Variants in WNT5B observed in about 807,000 individuals in gnomAD.
WNT5B encodes the protein protein Wnt-5b.
In WNT5B, 18 loss-of-function variants were observed where a neutral mutation model predicts 36.5. The ratio of observed to expected loss-of-function variants is 0.49; its 90% CI spans 0.34 to 0.73. The LOEUF is 0.73. Among genes scored for constraint, WNT5B ranks in the 30% least tolerant of loss-of-function variants. The probability of loss-of-function intolerance (pLI) is 0.01; values close to 1 mark genes in which losing one functional copy is unlikely to be tolerated. For synonymous variants in WNT5B, 213 were observed against 212.3 expected, an observed-to-expected ratio of 1.00 and a Z score of -0.03; for missense variants, 424 against 508.4, an observed-to-expected ratio of 0.83 and a Z score of 1.60.
At position 1,630,259 on chromosome 12, in the gene WNT5B, G is replaced by A. The variant is rs2094547885; in HGVS notation, c.-58+888G>A. 4 of 984,404 alleles carry A rather than the reference G, an allele frequency of 4.1e-6. No homozygotes were observed. Among genetic ancestry groups the A allele is most frequent in the South Asian group, 4.7e-5 (1 of 21,272 alleles). The allele number at this position is 984,404 out of a possible 1,614,324, so 61.0% of individuals were successfully genotyped here. A position where few individuals can be genotyped will look rare whatever the true frequency, so the allele number is the denominator to read the frequency against. ...GCCCCGGGGAGGCCGCTGGGGGCGC[G>A]GGTCACGCCCAGACGGGGGCCCCGG... is the stretch of plus-strand genomic sequence containing the variant. On this transcript the variant is annotated intron_variant, in intron 1 of 4. Transcript: ENST00000397196. The surrounding 1 kb of genome is among the most constrained non-coding windows in gnomAD (Gnocchi z 5.3).
intron 1 of WNT5B, among the ~76,000 whole-genome samples, chr12:1,620,922 T>C (rs76916363): frequency 7.4e-5 from 1 of 13,584 alleles, no homozygotes; most frequent in Non-Finnish European, 1.6e-4. Context: ...AGGATAGTCT[T>C]GATCTCTTGA....
chr12:1,631,109 G>T, intron 1 of WNT5B, 189 bp from the exon 2 acceptor site: 1 of 411,486 alleles, frequency 2.4e-6, no homozygotes. Flanking sequence ...CACAGTTTGG[G>T]GTAAGAGACA....
chr12:1,637,388 T>C (rs1365785290), intron 3 of WNT5B, among the ~76,000 whole-genome samples: 1 of 150,944 alleles, frequency 6.6e-6, no homozygotes, highest in Admixed American at 6.6e-5. Context: ...GCAATAATAC[T>C]GCAATAATGT....
intron 1 of WNT5B, among the ~76,000 whole-genome samples, chr12:1,623,027 G>T (rs2094535929): frequency 1.3e-5 from 2 of 151,980 alleles, no homozygotes; most frequent in Admixed American, 6.6e-5. Flanking sequence ...ATGGGTTTGG[G>T]TAAGGAGGTA....
In WNT5B at chr12:1,632,678, T is replaced by C. The variant is rs1395462661; in HGVS notation, c.101T>C (p.Val34Ala). ...NSWWSLALNP[V>A]QRPEMFIIGA... The stretch of plus-strand genomic sequence containing the variant: ...CCTAGGTCATTAGCTTTGAACCCGG[T>C]GCAGAGACCCGAGATGTTTATCATC... Residue 34 changes from valine (V) to alanine (A), a missense_variant, in exon 3 of 5, where the codon GTG (valine) becomes GCG (alanine). Physicochemically the swap from Val to Ala is moderately conservative, Grantham distance 64. Coordinates refer to ENST00000397196, the MANE Select transcript of WNT5B (RefSeq NM_032642.3). This position sits in a 1 kb window ranked among gnomAD's most constrained non-coding sequence, Gnocchi z 5.8. The C allele has an allele frequency of 6.2e-7, 1 of 1,607,088 alleles. No homozygotes were observed. Among genetic ancestry groups the C allele is most frequent in the Non-Finnish European group, 8.5e-7 (1 of 1,174,014 alleles).
chr12:1,641,844 T>C (rs2094575945), intron 4 of WNT5B, among the ~76,000 whole-genome samples: 1 of 152,146 alleles, frequency 6.6e-6, no homozygotes, highest in Non-Finnish European at 1.5e-5. Context: ...TGAACTCATA[T>C]ATTGGAGCAC....
upstream of WNT5B, among the ~76,000 whole-genome samples, chr12:1,627,228 C>T (rs571657534): frequency 3.2e-4 from 48 of 152,330 alleles, 2 homozygotes; most frequent in East Asian, 9.3e-3. This position sits in a 1 kb window ranked among gnomAD's most constrained non-coding sequence, Gnocchi z 5.0. Context: ...GCTCAGCACC[C>T]TTGAAGAGGT....
intron 4 of WNT5B, among the ~76,000 whole-genome samples, chr12:1,643,751 A>G (rs1032581285): frequency 5.8e-5 from 6 of 104,084 alleles, no homozygotes; most frequent in Non-Finnish European, 1.1e-4. Flanking sequence ...ATTTCCCCCT[A>G]TCGCCTACAA....
intron 1 of WNT5B, among the ~76,000 whole-genome samples, chr12:1,620,795 C>T (rs2094532766): frequency 6.8e-6 from 1 of 147,594 alleles, no homozygotes; most frequent in Admixed American, 6.7e-5. Context: ...CCTCCACCTC[C>T]CGGGTTCAAG....
Position 1,633,512 on chromosome 12 carries a change from C to T in WNT5B, c.328+607C>T, listed in dbSNP as rs1242323452. 2.0e-5 allele frequency among the ~76,000 whole-genome samples: 3 copies of T among 152,158 alleles called. No individual in the cohort carries two copies. Among genetic ancestry groups the T allele is most frequent in the Non-Finnish European group, 2.9e-5 (2 of 68,030 alleles). On this transcript the variant is annotated intron_variant, in intron 3 of 4. Transcript: ENST00000397196. This position sits in a 1 kb window ranked among gnomAD's most constrained non-coding sequence, Gnocchi z 4.8. ...AGGGCCAAGTCTTCTGGATTCCTGTCCCTTCCCCTCTCCCACTGCTGGCCA... is the reference window on the plus strand; with the variant it reads ...AGGGCCAAGTCTTCTGGATTCCTGTTCCTTCCCCTCTCCCACTGCTGGCCA...
intron 3 of WNT5B, among the ~76,000 whole-genome samples, chr12:1,637,475 C>T (rs1449314996): frequency 2.0e-5 from 3 of 151,340 alleles, no homozygotes; most frequent in South Asian, 2.1e-4. Context: ...CGGTGGCTCA[C>T]GCCTGAAATC....
intron 4 of WNT5B, among the ~76,000 whole-genome samples, chr12:1,641,209 A>T (rs1305169426): frequency 6.6e-6 from 1 of 152,012 alleles, no homozygotes; most frequent in African/African-American, 2.4e-5. Flanking sequence ...ACATGGTGAA[A>T]CCCTGTCTCT....
rs138238149 is a variant in WNT5B, at chr12:1,632,716, G to T, written c.139G>T (p.Val47Leu). 1,356 of 1,613,602 alleles carry T rather than the reference G, an allele frequency of 8.4e-4. 3 individuals are homozygous for T. The highest frequency in any genetic ancestry group is 8.1e-4 in the Non-Finnish European group (960 of 1,179,570). ...PEMFIIGAQPVCSQLPGLSPG... is the reference protein window; with the variant it reads ...PEMFIIGAQPLCSQLPGLSPG... ...GATGTTTATCATCGGTGCCCAGCCC[G>T]TGTGCAGTCAGCTTCCCGGGCTCTC... Residue 47 changes from valine (V) to leucine (L), a missense_variant, in exon 3 of 5, where the codon GTG becomes TTG. Coordinates refer to ENST00000397196, the MANE Select transcript of WNT5B (RefSeq NM_032642.3). This position sits in a 1 kb window ranked among gnomAD's most constrained non-coding sequence, Gnocchi z 5.8.
chr12:1,636,814 C>T lies in WNT5B; in HGVS notation c.329-2870C>T, dbSNP rs987841757. On this transcript the variant is annotated intron_variant, in intron 3 of 4. Coordinates refer to ENST00000397196, the MANE Select transcript of WNT5B (RefSeq NM_032642.3). ...CACTGCAACCTCTGCCTCCTGGGGT[C>T]AAATGATTCTTCTGTCTCAGCCTCC... Among the ~76,000 whole-genome samples, 7 of 151,902 alleles carry T rather than the reference C, an allele frequency of 4.6e-5. No individual in the cohort carries two copies. In the South Asian group the frequency reaches 1.5e-3, roughly 32 times the overall value.
At chr12:1,636,006 G>C (rs1404270366) in intron 3 of WNT5B, among the ~76,000 whole-genome samples, 1 of 152,142 alleles carries the variant, frequency 6.6e-6, no homozygotes, top group African/African-American at 2.4e-5. Context: ...TAGACCTCTC[G>C]GTTGATTGCA....
rs577020035 is a variant in WNT5B at position 1,618,629 on chromosome 12, T to A, written c.-58+1486T>A. Among the ~76,000 whole-genome samples, 10 of 152,330 alleles carry A rather than the reference T, an allele frequency of 6.6e-5. No homozygotes were observed. In the South Asian group the frequency reaches 1.9e-3, roughly 28 times the overall value. On this transcript the variant is annotated intron_variant, in intron 1 of 4. Transcript: ENST00000310594. This position sits in a 1 kb window ranked among gnomAD's most constrained non-coding sequence, Gnocchi z 4.1. ...GCATATTTTAAAACTATTTTATTAG[T>A]ATTCAGGAGAAGGGAACTTCCTCTT...
rs2094547885 is a variant in WNT5B, at chr12:1,630,259, G to T, written c.-58+888G>T. On this transcript the variant is annotated intron_variant, in intron 1 of 4. Coordinates refer to ENST00000397196, the MANE Select transcript of WNT5B (RefSeq NM_032642.3). The surrounding 1 kb of genome is among the most constrained non-coding windows in gnomAD (Gnocchi z 5.3). ...GCCCCGGGGAGGCCGCTGGGGGCGC[G>T]GGTCACGCCCAGACGGGGGCCCCGG... The T allele has an allele frequency of 1.0e-6, 1 of 984,512 alleles. No individual in the cohort carries two copies. Among genetic ancestry groups the T allele is most frequent in the Non-Finnish European group, 1.2e-6 (1 of 829,136 alleles). 61.0% of individuals were successfully genotyped at this position (984,512 alleles called of 1,614,324 possible). A position where few individuals can be genotyped will look rare whatever the true frequency, so the allele number is the denominator to read the frequency against.
chr12:1,632,638 T>C lies in WNT5B; in HGVS notation c.81-20T>C, dbSNP rs1187809150. The C allele has an allele frequency of 6.3e-7, 1 of 1,586,760 alleles. No homozygotes were observed. The highest frequency in any genetic ancestry group is 1.1e-5 in the South Asian group (1 of 89,890). ...CTCACTCCTGGGCCTTTTTTTCCCC[T>C]TTCTGGATTGCTGTCCTAGGTCATT... is the stretch of plus-strand genomic sequence containing the variant. On this transcript the variant is annotated intron_variant, in intron 2 of 4. Transcript: ENST00000397196. This position sits in a 1 kb window ranked among gnomAD's most constrained non-coding sequence, Gnocchi z 5.8.
chr12:1,630,973 A>G lies in WNT5B; in HGVS notation c.-57-325A>G. On this transcript the variant is annotated intron_variant, in intron 1 of 4. Coordinates refer to ENST00000397196, the MANE Select transcript of WNT5B (RefSeq NM_032642.3). This position sits in a 1 kb window ranked among gnomAD's most constrained non-coding sequence, Gnocchi z 5.3. The stretch of plus-strand genomic sequence containing the variant: ...GACAGGTATGCTTTACAACAGCCGA[A>G]GTGGCCTCCCGGCTGCCGAACGGAG... 5.7e-6 allele frequency: 1 copy of G among 175,606 alleles called. No homozygotes were observed. 10.9% of individuals were successfully genotyped at this position (175,606 alleles called of 1,614,324 possible).
Sources: gnomAD v4.1 joint callset for allele counts (sites outside exome capture counted in the v4.1 genomes callset) on GRCh38, gnomAD v4.1.1 for gene constraint, Gnocchi (gnomAD v3.1) non-coding constraint, MANE v1.5 for transcripts, NCBI Gene and HGNC (gene_info 2026-07-23, HGNC 2026-07-21) for gene names.